The following CSTF3 variants were observed in gnomAD, a reference collection of about 807,000 sequenced individuals.
CSTF3 encodes cleavage stimulation factor subunit 3.
A neutral mutation model predicts 105.8 loss-of-function variants in CSTF3; 29 were observed. That is an observed-to-expected ratio of 0.27 (90% CI 0.20 to 0.37). The LOEUF is 0.37. CSTF3 is among the 10% of genes least tolerant of loss of function. CSTF3 has a pLI of 1.00. For synonymous variants in CSTF3, 252 were observed against 281.9 expected (o/e 0.89, Z 1.06); for missense variants, 357 against 879.3 (o/e 0.41, Z 7.51).
At chr11:33,103,534 G>A (rs1855299174) in intron 8 of CSTF3, among the ~76,000 whole-genome samples, 1 of 152,096 alleles carries the variant, frequency 6.6e-6, no homozygotes, top group African/African-American at 2.4e-5. Context: ...TTGGGAGGCC[G>A]AGTTGGGTGG....
At chr11:33,139,696 A>G (rs1311244062) in intron 3 of CSTF3, among the ~76,000 whole-genome samples, 2 of 151,968 alleles carry the variant, frequency 1.3e-5, no homozygotes, top group Non-Finnish European at 2.9e-5. Context: ...ATACATATAT[A>G]TTATTTACCA....
At chr11:33,112,281 C>A (rs551071186) in intron 3 of CSTF3, among the ~76,000 whole-genome samples, 10 of 151,878 alleles carry the variant, frequency 6.6e-5, no homozygotes, top group African/African-American at 2.4e-4. Flanking sequence ...CATCAATGTG[C>A]TTTGGAGATT....
rs984374780 is a variant in CSTF3 at position 33,134,260 on chromosome 11, C to G, written c.225+7407G>C. 2.6e-5 allele frequency among the ~76,000 whole-genome samples: 4 copies of G among 152,298 alleles called. No individual in the cohort carries two copies. The East Asian group carries it at 5.8e-4, about 22-fold the overall frequency. On this transcript the variant is annotated intron_variant, in intron 3 of 20. Coordinates refer to ENST00000323959, the MANE Select transcript of CSTF3 (RefSeq NM_001326.3). ...ACTGTCAGTTTGTAAACCCTAAAAG[C>G]AATGCTCGTTATTCAACCAATACAA...
chr11:33,144,083 T>C (rs897552339), intron 1 of CSTF3, among the ~76,000 whole-genome samples: 33 of 152,112 alleles, frequency 2.2e-4, no homozygotes, highest in Non-Finnish European at 4.1e-4. Flanking sequence ...TATCCGAGCA[T>C]AAAGAGGGAA....
chr11:33,094,222 A>G (rs549357660), intron 15 of CSTF3, among the ~76,000 whole-genome samples: 1 of 152,356 alleles, frequency 6.6e-6, no homozygotes, highest in Admixed American at 6.5e-5. Context: ...AGTGAAACAC[A>G]TGCAAAAACT....
chr11:33,121,537 T>C (rs978266017), intron 3 of CSTF3, among the ~76,000 whole-genome samples: 23 of 152,188 alleles, frequency 1.5e-4, no homozygotes, highest in African/African-American at 5.5e-4. Context: ...TTTGTGATAT[T>C]TTCCAAAGTG....
At chr11:33,159,423 C>A (rs1237116421) in intron 1 of CSTF3, among the ~76,000 whole-genome samples, 2 of 151,798 alleles carry the variant, frequency 1.3e-5, no homozygotes, top group Non-Finnish European at 2.9e-5. Context: ...TGGCAAAATC[C>A]CCGTCTCTAC....
chr11:33,095,444 A>G (rs11604958), intron 15 of CSTF3, among the ~76,000 whole-genome samples: 51,711 of 152,188 alleles, frequency 0.34, 9,825 homozygotes, highest in Middle Eastern at 0.47. Flanking sequence ...AATGATATAC[A>G]TATATGAATT....
rs545936266 is a variant in CSTF3 at position 33,113,632 on chromosome 11, T to C, written c.226-5214A>G. Among the ~76,000 whole-genome samples, 3 of 152,246 alleles carry C rather than the reference T, an allele frequency of 2.0e-5. No individual in the cohort carries two copies. In the South Asian group the frequency reaches 6.2e-4, roughly 31 times the overall value. On this transcript the variant is annotated intron_variant, in intron 3 of 20. Transcript: ENST00000323959. ...GAATTATCCAAATTTTACAAAGATATGAAAAGTGTCTATTGAGAAAAAATA... is the reference window on the plus strand; with the variant it reads ...GAATTATCCAAATTTTACAAAGATACGAAAAGTGTCTATTGAGAAAAAATA...
chr11:33,113,617 A>C (rs1322954024), intron 3 of CSTF3, among the ~76,000 whole-genome samples: 2 of 152,228 alleles, frequency 1.3e-5, no homozygotes, highest in Admixed American at 6.5e-5. Flanking sequence ...GAATTATCCA[A>C]ATTTTACAAA....
At chr11:33,097,594 C>T (rs1855237564) in intron 13 of CSTF3, among the ~76,000 whole-genome samples, 1 of 152,194 alleles carries the variant, frequency 6.6e-6, no homozygotes, top group African/African-American at 2.4e-5. Context: ...GTCTCAATCT[C>T]CTGACCTCGT....
At chr11:33,122,953 A>G (rs954839431) in intron 3 of CSTF3, among the ~76,000 whole-genome samples, 1 of 151,236 alleles carries the variant, frequency 6.6e-6, no homozygotes, top group Non-Finnish European at 1.5e-5. Context: ...AAAAGAAAAG[A>G]AAAGTATGTA....
intron 10 of CSTF3, among the ~76,000 whole-genome samples, chr11:33,100,489 A>T (rs760714654): frequency 2.0e-5 from 3 of 152,032 alleles, no homozygotes; most frequent in Non-Finnish European, 4.4e-5. Context: ...GAGCCACTGC[A>T]CCCAGCCTAA....
At chr11:33,154,676 T>C (rs1421515595) in intron 1 of CSTF3, among the ~76,000 whole-genome samples, 2 of 152,042 alleles carry the variant, frequency 1.3e-5, no homozygotes, top group Non-Finnish European at 2.9e-5. Context: ...TTTGTATTTT[T>C]AGTAGAGACG....
intron 17 of CSTF3, among the ~76,000 whole-genome samples, chr11:33,089,750 A>C (rs1161842562): frequency 6.6e-6 from 1 of 152,238 alleles, no homozygotes; most frequent in Non-Finnish European, 1.5e-5. Context: ...CAGTGAGGAA[A>C]AGGAGAATGA....
Position 33,099,347 on chromosome 11 carries a change from A to T in CSTF3, c.937-197T>A, listed in dbSNP as rs979887521. Among the ~76,000 whole-genome samples, 2 of 152,040 alleles carry T rather than the reference A, an allele frequency of 1.3e-5. No individual in the cohort carries two copies. Among genetic ancestry groups the T allele is most frequent in the Non-Finnish European group, 2.9e-5 (2 of 68,004 alleles). ...TCTGGATTCTAAAAAAATTCCAAAA[A>T]CTCCTTTCATTATTTTAACTTACAA... On this transcript the variant is annotated intron_variant, in intron 11 of 20. Transcript: ENST00000323959. The surrounding 1 kb of genome is among the most constrained non-coding windows in gnomAD (Gnocchi z 4.1).
intron 1 of CSTF3, among the ~76,000 whole-genome samples, chr11:33,142,316 T>C (rs1855722617): frequency 8.0e-6 from 1 of 125,324 alleles, no homozygotes; most frequent in Admixed American, 8.6e-5. Context: ...ATCTGTATTA[T>C]ATGACGTTAT....
chr11:33,108,253 G>C, intron 4 of CSTF3, 133 bp downstream of exon 4: 1 of 942,530 alleles, frequency 1.1e-6, no homozygotes, highest in Non-Finnish European at 1.5e-6. Flanking sequence ...TAAAAAAGCT[G>C]AATAAGTACA....
chr11:33,127,941 A>G (rs773276398), intron 3 of CSTF3, among the ~76,000 whole-genome samples: 7 of 152,178 alleles, frequency 4.6e-5, no homozygotes, highest in Admixed American at 1.3e-4. Context: ...ATGCAAATTA[A>G]CTTAAATATT....
Sources: gnomAD v4.1 joint callset for allele counts (sites outside exome capture counted in the v4.1 genomes callset) on GRCh38, gnomAD v4.1.1 for gene constraint, Gnocchi (gnomAD v3.1) non-coding constraint, MANE v1.5 for transcripts, NCBI Gene and HGNC (gene_info 2026-07-23, HGNC 2026-07-21) for gene names.